B4GALNT3: variants seen among roughly 807,000 people sequenced by gnomAD.
The protein encoded by B4GALNT3 is beta-1,4-N-acetyl-galactosaminyltransferase 3, also known as beta-1,4-N-acetylgalactosaminyltransferase 3.
A neutral mutation model predicts 120.2 loss-of-function variants in B4GALNT3; 86 were observed. The observed-to-expected ratio is 0.72, with a 90% CI of 0.60 to 0.86. B4GALNT3 has a LOEUF of 0.86. Among genes scored for constraint, B4GALNT3 ranks in the 40% least tolerant of loss-of-function variants. B4GALNT3 has a pLI of 0.00. For synonymous variants in B4GALNT3, 518 were observed against 510.4 expected, an observed-to-expected ratio of 1.01 and a Z score of -0.20; for missense variants, 1,167 against 1,298.9, an observed-to-expected ratio of 0.90 and a Z score of 1.56.
intron 1 of B4GALNT3, among the ~76,000 whole-genome samples, chr12:506,235 T>A (rs1946495782): frequency 6.6e-6 from 1 of 152,090 alleles, no homozygotes; most frequent in South Asian, 2.1e-4. Flanking sequence ...AATCATAGAG[T>A]GTAACACTTA....
At chr12:515,892 C>A (rs896161983) in intron 1 of B4GALNT3, among the ~76,000 whole-genome samples, 5 of 152,060 alleles carry the variant, frequency 3.3e-5, no homozygotes, top group African/African-American at 1.2e-4. Flanking sequence ...AATCCCAGCA[C>A]TTTGGGAGGC....
rs115098346 is a variant in B4GALNT3, at chr12:557,305, G to T, written c.2381-303G>T. Reference sequence around the variant, plus strand: ...GATACTAAGAGGGACAGATAACAGGGTTTCACTAGTAGAGCGTGGCAGGGC... The same window carrying T: ...GATACTAAGAGGGACAGATAACAGGTTTTCACTAGTAGAGCGTGGCAGGGC... On this transcript the variant is annotated intron_variant, in intron 15 of 19. Coordinates refer to ENST00000266383, the MANE Select transcript of B4GALNT3 (RefSeq NM_173593.4). 1.5e-3 allele frequency among the ~76,000 whole-genome samples: 232 copies of T among 152,270 alleles called. 1 individual carries two copies. The highest frequency in any genetic ancestry group is 5.4e-3 in the African/African-American group (224 of 41,552).
chr12:476,399 T>C (rs1946185686), intron 1 of B4GALNT3, among the ~76,000 whole-genome samples: 1 of 152,142 alleles, frequency 6.6e-6, no homozygotes, highest in African/African-American at 2.4e-5. Flanking sequence ...AAGACCAGCC[T>C]GGGCAACATA....
chr12:548,427 G>T lies in B4GALNT3; in HGVS notation c.853+130G>T. 1 of 820,692 alleles carries T rather than the reference G, an allele frequency of 1.2e-6. No homozygotes were observed. The highest frequency in any genetic ancestry group is 2.6e-5 in the East Asian group (1 of 37,836). The allele number at this position is 820,692 out of a possible 1,614,324, so 50.8% of individuals were successfully genotyped here. On this transcript the variant is annotated intron_variant, in intron 9 of 19. Transcript: ENST00000266383. This position sits in a 1 kb window ranked among gnomAD's most constrained non-coding sequence, Gnocchi z 4.9. ...AGATGCTTGGGACACGGGTATGAAG[G>T]GGTCCAGAACAAGAGTGGGACCTTA...
Position 549,903 on chromosome 12 carries a change from C to A in B4GALNT3, c.988C>A (p.Leu330Ile). The A allele has an allele frequency of 6.2e-7, 1 of 1,612,400 alleles. No homozygotes were observed. The highest frequency in any genetic ancestry group is 8.5e-7 in the Non-Finnish European group (1 of 1,179,596). ...DMLRPDPRDT[L>I]YRVPLIPKSH... is the part of the protein sequence containing the mutation. ...GCTTCGGCCTGACCCCCGGGACACC[C>A]TCTATCGAGGTAAGGCCTCGGCCAG... The change falls in exon 10 of 20, where the codon CTC becomes ATC. Residue 330 changes from leucine (L) to isoleucine (I), a missense_variant. By Grantham distance (5) the Leu-to-Ile change is conservative. Around this residue, in one of 3 missense-constraint regions of B4GALNT3, gnomAD observed 983 missense variants for 1,102.5 expected, o/e 0.89. Transcript: ENST00000266383.
At chr12:557,511 G>T (rs1243717705) in intron 15 of B4GALNT3, 97 bp from the exon 16 acceptor site, 2 of 1,301,146 alleles carry the variant, frequency 1.5e-6, no homozygotes, top group African/African-American at 1.5e-5. Flanking sequence ...GGTCCGATGG[G>T]CACTCCTGAC....
At chr12:511,679 GCCTTC>G (rs1565598127) in intron 1 of B4GALNT3, among the ~76,000 whole-genome samples, 2 of 57,148 alleles carry the variant, frequency 3.5e-5, no homozygotes, top group Non-Finnish European at 7.5e-5. Context: ...TCCGCCTTCC[GCCTTC>G]CACCTTCTGT....
At position 544,248 on chromosome 12, in the gene B4GALNT3, G is replaced by A. The variant is rs1481959184; in HGVS notation, c.352-91G>A. 4.7e-5 allele frequency: 56 copies of A among 1,184,686 alleles called. No homozygotes were observed. The Middle Eastern group carries it at 6.6e-4, about 14-fold the overall frequency. 73.4% of individuals were successfully genotyped at this position (1,184,686 alleles called of 1,614,324 possible). ...CCTCCTGGAGCTGAGGGTCTGGGGCGGGCATGGGATGCTCATCCCCCTGGA... is the reference window on the plus strand; with the variant it reads ...CCTCCTGGAGCTGAGGGTCTGGGGCAGGCATGGGATGCTCATCCCCCTGGA... On this transcript the variant is annotated intron_variant, in intron 3 of 19. Coordinates refer to ENST00000266383, the MANE Select transcript of B4GALNT3 (RefSeq NM_173593.4).
chr12:537,463 C>T (rs1946872869), intron 3 of B4GALNT3, among the ~76,000 whole-genome samples: 1 of 152,096 alleles, frequency 6.6e-6, no homozygotes, highest in African/African-American at 2.4e-5. Flanking sequence ...CACTATATTG[C>T]CCAGGCTGAC....
chr12:543,193 A>G (rs1249662336), intron 3 of B4GALNT3: 4 of 1,289,338 alleles, frequency 3.1e-6, no homozygotes, highest in Non-Finnish European at 4.0e-6. Context: ...CATGGGGTGA[A>G]CATCAGCACC....
At chr12:504,852 A>T (rs1227295483) in intron 1 of B4GALNT3, among the ~76,000 whole-genome samples, 2 of 149,690 alleles carry the variant, frequency 1.3e-5, no homozygotes, top group Admixed American at 6.7e-5. Flanking sequence ...CCCCACAAAA[A>T]CCCTTGTGTG....
intron 1 of B4GALNT3, among the ~76,000 whole-genome samples, chr12:479,389 C>G (rs7975994): frequency 0.14 from 21,567 of 152,068 alleles, 1,942 homozygotes; most frequent in African/African-American, 0.25. Flanking sequence ...CTGCCCAGAT[C>G]CCTTCCCTGA....
At chr12:462,506 G>A (rs1028014956) in intron 1 of B4GALNT3, among the ~76,000 whole-genome samples, 6 of 151,342 alleles carry the variant, frequency 4.0e-5, no homozygotes, top group Non-Finnish European at 8.8e-5. Flanking sequence ...TCCCCTCCCA[G>A]AAGAATCTTA....
chr12:488,312 A>G (rs1946310299), intron 1 of B4GALNT3, among the ~76,000 whole-genome samples: 1 of 152,214 alleles, frequency 6.6e-6, no homozygotes, highest in Non-Finnish European at 1.5e-5. Context: ...AAAGAGAAAG[A>G]AAATGATACG....
At chr12:495,345 T>C (rs1243527104) in intron 1 of B4GALNT3, among the ~76,000 whole-genome samples, 1 of 152,192 alleles carries the variant, frequency 6.6e-6, no homozygotes, top group Non-Finnish European at 1.5e-5. Flanking sequence ...TCTCATTTCC[T>C]CCTGAATTCT....
At chr12:493,720 G>A (rs1027622401) in intron 1 of B4GALNT3, among the ~76,000 whole-genome samples, 10 of 151,342 alleles carry the variant, frequency 6.6e-5, no homozygotes, top group African/African-American at 2.4e-4. Flanking sequence ...TTATTCATTT[G>A]CTTTTTATGT....
At chr12:523,229 T>C (rs1005458172) in intron 1 of B4GALNT3, among the ~76,000 whole-genome samples, 2 of 152,152 alleles carry the variant, frequency 1.3e-5, no homozygotes, top group African/African-American at 4.8e-5. Context: ...AGCAGATGCC[T>C]AATCGGTTCT....
At chr12:471,438 G>A (rs1946135021) in intron 1 of B4GALNT3, among the ~76,000 whole-genome samples, 1 of 151,702 alleles carries the variant, frequency 6.6e-6, no homozygotes, top group Non-Finnish European at 1.5e-5. Flanking sequence ...TGGGCACGGT[G>A]GCTCATGCCT....
chr12:517,749 AG>A (rs35210716), intron 1 of B4GALNT3, among the ~76,000 whole-genome samples: 23,015 of 152,142 alleles, frequency 0.15, 2,156 homozygotes, highest in East Asian at 0.3. Context: ...TGCATGAAGC[AG>A]GGCTGTGCCA....
Sources: gnomAD v4.1 joint callset for allele counts (sites outside exome capture counted in the v4.1 genomes callset) on GRCh38, gnomAD v4.1.1 for gene constraint, gnomAD v4.1.1 regional missense constraint, Gnocchi (gnomAD v3.1) non-coding constraint, MANE v1.5 for transcripts, NCBI Gene and HGNC (gene_info 2026-07-23, HGNC 2026-07-21) for gene names.